The following TROAP variants were observed in gnomAD, a reference collection of about 807,000 sequenced individuals.
TROAP encodes the protein trophinin associated protein.
TROAP carries 62 observed loss-of-function variants against 83.4 expected under a neutral mutation model. The observed-to-expected ratio is 0.74, with a 90% CI of 0.61 to 0.92. TROAP has a LOEUF of 0.92. Ranked by LOEUF, TROAP falls within the 40% of genes least tolerant of loss-of-function variation. The pLI is 0.00. For missense variants in TROAP, 876 were observed against 985.1 expected, an observed-to-expected ratio of 0.89 and a Z score of 1.48; for synonymous variants, 352 against 386.4, an observed-to-expected ratio of 0.91 and a Z score of 1.04.
intron 3 of TROAP, 121 bp from the exon 4 acceptor site, chr12:49,325,380 A>AAT: frequency 8.9e-7 from 1 of 1,117,598 alleles, no homozygotes; most frequent in Non-Finnish European, 1.2e-6. Flanking sequence ...AAAAAAAAAA[A>AAT]AAATAAGCCA....
At chr12:49,327,785 T>TAAA (rs761849984) in intron 8 of TROAP, among the ~76,000 whole-genome samples, 129 of 152,004 alleles carry the variant, frequency 8.5e-4, no homozygotes, top group Non-Finnish European at 1.5e-3. Flanking sequence ...AAGTTCTCTC[T>TAAA]AAAATAATAA....
Position 49,325,867 on chromosome 12 carries a change from C to G in TROAP, c.616C>G (p.Gln206Glu), listed in dbSNP as rs1305753069. The change falls in exon 5 of 15, where the codon CAG (glutamine) becomes GAG (glutamate). Residue 206 changes from glutamine (Q) to glutamate (E), a missense_variant. By Grantham distance (29) the Gln-to-Glu change is conservative (BLOSUM62 2). This residue lies in a region of TROAP where 689 missense variants were observed against 722.6 expected (regional missense o/e 0.95). Coordinates refer to ENST00000257909, the MANE Select transcript of TROAP (RefSeq NM_005480.4). ...ACCTCGAGGCCGGACATTGTGCCCC[C>G]AGAGGCTACAGGCTCTGGTGAGTGC... is the stretch of plus-strand genomic sequence containing the variant. ...PGPRGRTLCP[Q>E]RLQALISPSG... The G allele has an allele frequency of 6.2e-7, 1 of 1,613,516 alleles. No homozygotes were observed. The highest frequency in any genetic ancestry group is 2.2e-5 in the East Asian group (1 of 44,882).
In TROAP at chr12:49,329,204, C is replaced by T. The variant is rs1180215007; in HGVS notation, c.1064C>T (p.Thr355Ile). ...VLRRLTVQPK[T>I]RFTPMPSTPR... The stretch of plus-strand genomic sequence containing the variant: ...CGGCGTCTCACCGTTCAACCTAAAA[C>T]CCGGTTCACACCCATGCCATCAACC... The change falls in exon 10 of 15, where the codon ACC (threonine) becomes ATC (isoleucine). Residue 355 changes from threonine (T) to isoleucine (I), a missense_variant. Thr to Ile is a moderately conservative substitution (Grantham distance 89). Around this residue, in one of 3 missense-constraint regions of TROAP, gnomAD observed 689 missense variants for 722.6 expected, o/e 0.95. Transcript: ENST00000257909. The surrounding 1 kb of genome is among the most constrained non-coding windows in gnomAD (Gnocchi z 4.5). 3 of 1,614,186 alleles carry T rather than the reference C, an allele frequency of 1.9e-6. No individual in the cohort carries two copies. The Admixed American group carries it at 5.0e-5, about 27-fold the overall frequency.
rs936421988 is a variant in TROAP, at chr12:49,326,601, A to G, written c.717-67A>G. Reference sequence around the variant, plus strand: ...TGAAATGAGATGATGTTTGTAAAGCACTTAGCACATGTCCAGCTCATACTT... The same window carrying G: ...TGAAATGAGATGATGTTTGTAAAGCGCTTAGCACATGTCCAGCTCATACTT... On this transcript the variant is annotated intron_variant, in intron 6 of 14. Coordinates refer to ENST00000257909, the MANE Select transcript of TROAP (RefSeq NM_005480.4). 2.0e-6 allele frequency: 3 copies of G among 1,470,440 alleles called. No homozygotes were observed. In the East Asian group the frequency reaches 7.5e-5, roughly 37 times the overall value. 91.1% of individuals were successfully genotyped at this position (1,470,440 alleles called of 1,614,324 possible). A position where few individuals can be genotyped will look rare whatever the true frequency, so the allele number is the denominator to read the frequency against.
At position 49,325,774 on chromosome 12, in the gene TROAP, C is replaced by G; in HGVS notation, c.523C>G (p.Pro175Ala). 1 of 1,613,996 alleles carries G rather than the reference C, an allele frequency of 6.2e-7. No individual in the cohort carries two copies. The highest frequency in any genetic ancestry group is 8.5e-7 in the Non-Finnish European group (1 of 1,179,978). Residue 175 changes from proline (P) to alanine (A), a missense_variant, in exon 5 of 15, where the codon CCC (proline) becomes GCC (alanine). Physicochemically the swap from Pro to Ala is conservative, Grantham distance 27. Transcript: ENST00000257909. ...QGVRASAYLAPRTPTHRLDPA... is the reference protein window; with the variant it reads ...QGVRASAYLAARTPTHRLDPA... Reference sequence around the variant, plus strand: ...TGTTCGGGCCTCTGCATATTTGGCCCCCAGAACCCCCACCCACCGACTGGA... The same window carrying G: ...TGTTCGGGCCTCTGCATATTTGGCCGCCAGAACCCCCACCCACCGACTGGA...
chr12:49,331,432 C>G, intron 14 of TROAP, 25 bp downstream of exon 14: 1 of 1,609,552 alleles, frequency 6.2e-7, no homozygotes, highest in Non-Finnish European at 8.5e-7. Flanking sequence ...CACAGCCCAG[C>G]TGTGGCTGCA....
rs1470299741 is a variant in TROAP at position 49,331,367 on chromosome 12, C to G, written c.2252C>G (p.Thr751Ser). The G allele has an allele frequency of 3.1e-6, 5 of 1,614,014 alleles. No homozygotes were observed. The highest frequency in any genetic ancestry group is 4.2e-6 in the Non-Finnish European group (5 of 1,180,002). ...APPSGPTRVC[T>S]NPVATLLEWQ... Reference sequence around the variant, plus strand: ...CCCTCAGGCCCCACCCGGGTCTGCACCAACCCTGTGGCTACATTACTCGAA... The same window carrying G: ...CCCTCAGGCCCCACCCGGGTCTGCAGCAACCCTGTGGCTACATTACTCGAA... Residue 751 changes from threonine (T) to serine (S), a missense_variant, in exon 14 of 15, where the codon ACC becomes AGC. This residue lies in a region of TROAP where 184 missense variants were observed against 238.3 expected (regional missense o/e 0.77). Transcript: ENST00000257909.
chr12:49,325,752 T>G lies in TROAP; in HGVS notation c.501T>G (p.Val167=). The G allele has an allele frequency of 6.2e-7, 1 of 1,613,642 alleles. No homozygotes were observed. The highest frequency in any genetic ancestry group is 8.5e-7 in the Non-Finnish European group (1 of 1,179,810). Residue 167 remains valine, a synonymous_variant, in exon 5 of 15, where the codon GTT becomes GTG. Coordinates refer to ENST00000257909, the MANE Select transcript of TROAP (RefSeq NM_005480.4). ...AGCCTCTGTTGGTGTCCCAGGGTGT[T>G]CGGGCCTCTGCATATTTGGCCCCCA... ...QGGTTQRVQG[V]RASAYLAPRT...
rs1943448903 is a variant in TROAP, at chr12:49,323,961, G to A, written c.261G>A (p.Gln87=). ...ETSQRLVGIS[Q]PRNPLEELRP... ...CACAAAGATTGGTGGGGATCAGTCAGCCTCGGAACCCCTTGGAAGAGCTCA... is the reference window on the plus strand; with the variant it reads ...CACAAAGATTGGTGGGGATCAGTCAACCTCGGAACCCCTTGGAAGAGCTCA... Residue 87 remains glutamine (Q), a synonymous_variant, in exon 3 of 15, where the codon CAG becomes CAA. Coordinates refer to ENST00000257909, the MANE Select transcript of TROAP (RefSeq NM_005480.4). 5.6e-6 allele frequency: 9 copies of A among 1,614,204 alleles called. No homozygotes were observed. The highest frequency in any genetic ancestry group is 7.6e-6 in the Non-Finnish European group (9 of 1,180,042).
rs557735948 is a variant in TROAP, at chr12:49,323,272, A to G, written c.-83A>G. 1.3e-5 allele frequency: 3 copies of G among 235,176 alleles called. No homozygotes were observed. The highest frequency in any genetic ancestry group is 1.2e-4 in the South Asian group (1 of 8,394). The allele number at this position is 235,176 out of a possible 1,614,324, so 14.6% of individuals were successfully genotyped here. A position where few individuals can be genotyped will look rare whatever the true frequency, so the allele number is the denominator to read the frequency against. On this transcript the variant is annotated 5_prime_UTR_variant, in exon 1 of 15. Coordinates refer to ENST00000257909, the MANE Select transcript of TROAP (RefSeq NM_005480.4). ...AGCTTGGCGTATTTTACAAACTGAGAAAGTAGCTCCAGCAGCACCCGAGAG... is the reference window on the plus strand; with the variant it reads ...AGCTTGGCGTATTTTACAAACTGAGGAAGTAGCTCCAGCAGCACCCGAGAG...
In TROAP at chr12:49,329,723, T is replaced by G. The variant is rs900371219; in HGVS notation, c.1165-134T>G. On this transcript the variant is annotated intron_variant, in intron 11 of 14. Transcript: ENST00000257909. This position sits in a 1 kb window ranked among gnomAD's most constrained non-coding sequence, Gnocchi z 4.5. ...AGCTGCCTAACTCTCACTGCTTCTCTGCTGCCCCTCCTAATGTACATCTAG... is the reference window on the plus strand; with the variant it reads ...AGCTGCCTAACTCTCACTGCTTCTCGGCTGCCCCTCCTAATGTACATCTAG... 2 of 1,356,066 alleles carry G rather than the reference T, an allele frequency of 1.5e-6. No homozygotes were observed. Among genetic ancestry groups the G allele is most frequent in the Non-Finnish European group, 2.0e-6 (2 of 989,472 alleles). 84.0% of individuals were successfully genotyped at this position (1,356,066 alleles called of 1,614,324 possible). A position where few individuals can be genotyped will look rare whatever the true frequency, so the allele number is the denominator to read the frequency against.
chr12:49,329,689 C>A lies in TROAP; in HGVS notation c.1165-168C>A. The A allele has an allele frequency of 8.6e-7, 1 of 1,168,276 alleles. No homozygotes were observed. The highest frequency in any genetic ancestry group is 1.2e-6 in the Non-Finnish European group (1 of 821,150). 72.4% of individuals were successfully genotyped at this position (1,168,276 alleles called of 1,614,324 possible). A position where few individuals can be genotyped will look rare whatever the true frequency, so the allele number is the denominator to read the frequency against. On this transcript the variant is annotated intron_variant, in intron 11 of 14. Coordinates refer to ENST00000257909, the MANE Select transcript of TROAP (RefSeq NM_005480.4). This position sits in a 1 kb window ranked among gnomAD's most constrained non-coding sequence, Gnocchi z 4.5. ...AAAATTTTAAAAATTAGAAAGTGCTCTCTGGAAAAGCTGCCTAACTCTCAC... is the reference window on the plus strand; with the variant it reads ...AAAATTTTAAAAATTAGAAAGTGCTATCTGGAAAAGCTGCCTAACTCTCAC...
chr12:49,323,651 G>T lies in TROAP; in HGVS notation c.43G>T (p.Val15Leu). 6.2e-7 allele frequency: 1 copy of T among 1,614,120 alleles called. No homozygotes were observed. The highest frequency in any genetic ancestry group is 1.1e-5 in the South Asian group (1 of 91,084). ...QATKDPLLRGVSPTPSKIPVR... is the reference protein window; with the variant it reads ...QATKDPLLRGLSPTPSKIPVR... ...CACGAAGGATCCCCTCCTCCGGGGT[G>T]TATCTCCTACCCCTAGCAAGATTCC... The change falls in exon 2 of 15, where the codon GTA becomes TTA. Residue 15 changes from valine to leucine, a missense_variant. Around this residue, in one of 3 missense-constraint regions of TROAP, gnomAD observed 689 missense variants for 722.6 expected, o/e 0.95. Coordinates refer to ENST00000257909, the MANE Select transcript of TROAP (RefSeq NM_005480.4).
chr12:49,331,224 T>C lies in TROAP; in HGVS notation c.2109T>C (p.Asn703=). The C allele has an allele frequency of 6.2e-7, 1 of 1,614,132 alleles. No individual in the cohort carries two copies. Among genetic ancestry groups the C allele is most frequent in the Non-Finnish European group, 8.5e-7 (1 of 1,180,012 alleles). The change falls in exon 14 of 15, where the codon AAT becomes AAC. Residue 703 remains asparagine (N), a synonymous_variant. Transcript: ENST00000257909. The stretch of plus-strand genomic sequence containing the variant: ...TTCCATGCCCCTCAGGCCTCAGCAA[T>C]CTGGCCCCTCGAACCCTAGCCCTGA... ...RPPAGQAGLS[N]LAPRTLALRE...
intron 1 of TROAP, 124 bp from the exon 2 acceptor site, chr12:49,323,480 C>G: frequency 1.5e-6 from 2 of 1,357,530 alleles, no homozygotes; most frequent in Non-Finnish European, 1.0e-6. Context: ...GTCTTGCAGG[C>G]GCCGGGGGCT....
chr12:49,324,276 G>A (rs573270187), intron 3 of TROAP: 34 of 1,509,094 alleles, frequency 2.3e-5, no homozygotes, highest in Admixed American at 2.2e-4. Context: ...GGAGGCTGAA[G>A]CAGGAGGATC....
Position 49,330,238 on chromosome 12 carries a change from A to C in TROAP, c.1393A>C (p.Met465Leu). 6.2e-7 allele frequency: 1 copy of C among 1,614,094 alleles called. No homozygotes were observed. Among genetic ancestry groups the C allele is most frequent in the Non-Finnish European group, 8.5e-7 (1 of 1,179,998 alleles). ...VPLNGGSSLD[M>L]VELQPLLTEI... ...TCTTAATGGAGGCTCTTCTCTGGAT[A>C]TGGTTGAACTTCAGCCCCTGCTGAC... Residue 465 changes from methionine to leucine, a missense_variant, in exon 13 of 15, where the codon ATG (methionine) becomes CTG (leucine). By Grantham distance (15) the Met-to-Leu change is conservative. Around this residue, in one of 3 missense-constraint regions of TROAP, gnomAD observed 689 missense variants for 722.6 expected, o/e 0.95. Transcript: ENST00000257909.
At chr12:49,326,242 C>A in intron 6 of TROAP, 84 bp downstream of exon 6, 1 of 1,388,012 alleles carries the variant, frequency 7.2e-7, no homozygotes, top group Non-Finnish European at 1.0e-6. Context: ...GAGTTGGGGC[C>A]TTCCAGGAGC....
Position 49,329,236 on chromosome 12 carries a change from G to A in TROAP, c.1096G>A (p.Val366Ile), listed in dbSNP as rs1241486614. The A allele has an allele frequency of 1.2e-6, 2 of 1,614,114 alleles. No individual in the cohort carries two copies. The highest frequency in any genetic ancestry group is 1.7e-6 in the Non-Finnish European group (2 of 1,180,042). ...CACACCCATGCCATCAACCCCCAGA[G>A]TTCAGCAGGTAAGAGAGGGCATGGA... Reference protein sequence around the residue: ...RFTPMPSTPRVQQAQWLRGVS... With the variant: ...RFTPMPSTPRIQQAQWLRGVS... Residue 366 changes from valine to isoleucine, a missense_variant, in exon 10 of 15, where the codon GTT becomes ATT. This residue lies in a region of TROAP where 689 missense variants were observed against 722.6 expected (regional missense o/e 0.95). Coordinates refer to ENST00000257909, the MANE Select transcript of TROAP (RefSeq NM_005480.4). This position sits in a 1 kb window ranked among gnomAD's most constrained non-coding sequence, Gnocchi z 4.5.
Sources: gnomAD v4.1 joint callset for allele counts (sites outside exome capture counted in the v4.1 genomes callset) on GRCh38, gnomAD v4.1.1 for gene constraint, gnomAD v4.1.1 regional missense constraint, Gnocchi (gnomAD v3.1) non-coding constraint, MANE v1.5 for transcripts, NCBI Gene and HGNC (gene_info 2026-07-23, HGNC 2026-07-21) for gene names.